The following KALRN variants were observed in gnomAD, a reference collection of about 807,000 sequenced individuals.
KALRN encodes the protein kalirin RhoGEF kinase.
In KALRN, 70 loss-of-function variants were observed where a neutral mutation model predicts 353.7. That is an observed-to-expected ratio of 0.20 (90% CI 0.16 to 0.24). The LOEUF (loss-of-function observed/expected upper bound fraction) is 0.24, where lower values mean the gene tolerates loss of function less well. Ranked by LOEUF, KALRN falls within the 10% of genes least tolerant of loss-of-function variation. KALRN has a pLI of 1.00. For synonymous variants in KALRN, 1,391 were observed against 1,434.8 expected, an observed-to-expected ratio of 0.97 and a Z score of 0.69; for missense variants, 2,791 against 3,756.7, an observed-to-expected ratio of 0.74 and a Z score of 6.72.
intron 9 of KALRN, 110 bp from the exon 10 acceptor site, chr3:124,347,033 A>G: frequency 2.0e-6 from 3 of 1,512,468 alleles, no homozygotes; most frequent in Non-Finnish European, 2.7e-6. Flanking sequence ...CTGCTGCTTT[A>G]CAACTGGGAT....
chr3:124,401,318 A>T (rs911758294), intron 13 of KALRN, among the ~76,000 whole-genome samples: 3 of 152,120 alleles, frequency 2.0e-5, no homozygotes, highest in Non-Finnish European at 2.9e-5. Context: ...CAGCCTGGGC[A>T]ACGTGGTGAA....
chr3:124,079,845 T>C (rs529541734), intron 1 of KALRN, among the ~76,000 whole-genome samples: 75 of 152,380 alleles, frequency 4.9e-4, no homozygotes, highest in Non-Finnish European at 7.3e-4. Context: ...TCTTCATGTT[T>C]ACCTCTGGAA....
At chr3:124,316,323 T>A (rs1000075455) in intron 6 of KALRN, among the ~76,000 whole-genome samples, 3 of 151,478 alleles carry the variant, frequency 2.0e-5, no homozygotes, top group Non-Finnish European at 4.4e-5. Flanking sequence ...GCCTGAGTGA[T>A]CCTGCCTAAA....
At chr3:124,462,793 T>A (rs1209053524) in intron 25 of KALRN, 160 bp downstream of exon 25, 1 of 567,768 alleles carries the variant, frequency 1.8e-6, no homozygotes, top group Non-Finnish European at 3.1e-6. Context: ...CCTTTCTCCA[T>A]AATTGTCCGA....
chr3:124,443,728 C>T (rs2093741723), intron 19 of KALRN, among the ~76,000 whole-genome samples: 1 of 152,152 alleles, frequency 6.6e-6, no homozygotes, highest in African/African-American at 2.4e-5. Flanking sequence ...CCTACATCTT[C>T]TTGGAGGCAA....
At chr3:124,549,287 C>CT (rs1032773655) in intron 33 of KALRN, among the ~76,000 whole-genome samples, 1 of 150,914 alleles carries the variant, frequency 6.6e-6, no homozygotes, top group Non-Finnish European at 1.5e-5. Flanking sequence ...GAAATACTGA[C>CT]TTTTTTTTAA....
chr3:124,678,346 C>T, intron 50 of KALRN, 33 bp downstream of exon 50: 1 of 1,609,924 alleles, frequency 6.2e-7, no homozygotes, highest in Non-Finnish European at 8.5e-7. Context: ...GCGTCCCCAC[C>T]TGTCATCCAC....
At chr3:124,701,983 C>A (rs1029242194) in intron 56 of KALRN, 55 bp from the exon 57 acceptor site, 13 of 1,407,482 alleles carry the variant, frequency 9.2e-6, no homozygotes, top group Admixed American at 3.4e-5. Flanking sequence ...TTAATTTTTT[C>A]TTTATTCTTA....
chr3:124,163,727 A>G (rs999914990), intron 1 of KALRN: 9 of 985,330 alleles, frequency 9.1e-6, no homozygotes, highest in African/African-American at 8.7e-5. Flanking sequence ...GACCTTGCTC[A>G]TAGTTCTCAC....
chr3:124,666,472 G>T lies in KALRN; in HGVS notation c.6369G>T (p.Lys2123Asn). Residue 2123 changes from lysine to asparagine, a missense_variant, in exon 46 of 60, where the codon AAG becomes AAT. By Grantham distance (94) the Lys-to-Asn change is moderately conservative. Transcript: ENST00000682506. ...AGGGCACTCTGACTGCTCAGGGGAA[G>T]CTGCTGCAGCAGGACACATTCTATG... ...GFEGTLTAQG[K>N]LLQQDTFYVI... 6.2e-7 allele frequency: 1 copy of T among 1,613,978 alleles called. No homozygotes were observed. The highest frequency in any genetic ancestry group is 2.2e-5 in the East Asian group (1 of 44,882).
chr3:124,233,369 C>T (rs1027980383), intron 2 of KALRN, among the ~76,000 whole-genome samples: 1 of 152,116 alleles, frequency 6.6e-6, no homozygotes, highest in Non-Finnish European at 1.5e-5. Flanking sequence ...GAGATGGGGA[C>T]CATTTCCAAG....
chr3:124,330,016 T>G (rs763859712), intron 8 of KALRN, 24 bp downstream of exon 8: 31 of 1,610,452 alleles, frequency 1.9e-5, no homozygotes, highest in Non-Finnish European at 2.6e-5. Flanking sequence ...AGGGCAACCA[T>G]GGTTCTTGGG....
intron 1 of KALRN, among the ~76,000 whole-genome samples, chr3:124,194,125 A>G (rs963793255): frequency 1.3e-5 from 2 of 152,200 alleles, no homozygotes; most frequent in Non-Finnish European, 2.9e-5. Context: ...TAGGAAGCCA[A>G]GAGAACACCT....
intron 34 of KALRN, among the ~76,000 whole-genome samples, chr3:124,617,245 G>C (rs1410983285): frequency 6.6e-6 from 1 of 151,182 alleles, no homozygotes; most frequent in Non-Finnish European, 1.5e-5. Context: ...GAGGTGGGAG[G>C]ATCACCTGAG....
intron 9 of KALRN, among the ~76,000 whole-genome samples, chr3:124,343,388 A>T (rs1288317603): frequency 6.6e-6 from 1 of 152,012 alleles, no homozygotes; most frequent in Non-Finnish European, 1.5e-5. Flanking sequence ...TCAAATTCCT[A>T]GGTTCAAGCA....
At chr3:124,702,184 T>C (rs1170687344) in intron 57 of KALRN, 68 bp downstream of exon 57, 4 of 931,878 alleles carry the variant, frequency 4.3e-6, no homozygotes, top group African/African-American at 1.6e-5. Flanking sequence ...ACAGTAACTT[T>C]TTGTTGTTGT....
intron 33 of KALRN, among the ~76,000 whole-genome samples, chr3:124,551,531 C>T (rs1325365503): frequency 6.6e-6 from 1 of 152,078 alleles, no homozygotes; most frequent in Non-Finnish European, 1.5e-5. Context: ...GGCAGATGCT[C>T]GAGGGTCCTG....
At chr3:124,425,755 T>C (rs2092985240) in intron 15 of KALRN, among the ~76,000 whole-genome samples, 1 of 152,258 alleles carries the variant, frequency 6.6e-6, no homozygotes, top group African/African-American at 2.4e-5. Context: ...CCTTCGCCGA[T>C]ATTAAAATAG....
At chr3:124,402,715 G>A (rs1355982563) in intron 13 of KALRN, among the ~76,000 whole-genome samples, 1 of 152,104 alleles carries the variant, frequency 6.6e-6, no homozygotes, top group African/African-American at 2.4e-5. Context: ...AAAACGTTCG[G>A]TCACTGCCTA....
Sources: gnomAD v4.1 joint callset for allele counts (sites outside exome capture counted in the v4.1 genomes callset) on GRCh38, gnomAD v4.1.1 for gene constraint, MANE v1.5 for transcripts, NCBI Gene and HGNC (gene_info 2026-07-23, HGNC 2026-07-21) for gene names.